ACBD6: variants seen among roughly 807,000 people sequenced by gnomAD.
ACBD6 encodes acyl-CoA binding domain containing 6.
A neutral mutation model predicts 37.2 loss-of-function variants in ACBD6; 28 were observed. The ratio of observed to expected loss-of-function variants is 0.75; its 90% CI spans 0.56 to 1.03. ACBD6 has a LOEUF of 1.03. ACBD6 is among the 50% of genes least tolerant of loss of function. The pLI is 0.00. For synonymous variants in ACBD6, 113 were observed against 126.8 expected, an observed-to-expected ratio of 0.89 and a Z score of 0.73; for missense variants, 340 against 337.4, an observed-to-expected ratio of 1.01 and a Z score of -0.06.
intron 3 of ACBD6, among the ~76,000 whole-genome samples, chr1:180,472,928 A>G (rs998322833): frequency 2.0e-5 from 3 of 152,206 alleles, no homozygotes; most frequent in Admixed American, 2.0e-4. Flanking sequence ...ATAGATATGA[A>G]AACAAAGACT....
intron 3 of ACBD6, among the ~76,000 whole-genome samples, chr1:180,453,252 C>G (rs1045827574): frequency 6.6e-6 from 1 of 152,222 alleles, no homozygotes; most frequent in Non-Finnish European, 1.5e-5. Context: ...GGATGCAAGG[C>G]TGGTTCAACA....
chr1:180,393,005 C>T (rs1654132889), intron 6 of ACBD6, among the ~76,000 whole-genome samples: 1 of 152,168 alleles, frequency 6.6e-6, no homozygotes, highest in African/African-American at 2.4e-5. Context: ...CATTCAAATA[C>T]CTTTTAATGT....
chr1:180,274,976 T>C (rs1277955228), exon 10 of ACBD6: 1 of 174,738 alleles, frequency 5.7e-6, no homozygotes, highest in East Asian at 1.5e-4. Flanking sequence ...CCCAAAACAC[T>C]GCTCTCACCA....
chr1:180,343,807 C>T (rs996013281), intron 6 of ACBD6, among the ~76,000 whole-genome samples: 2 of 152,118 alleles, frequency 1.3e-5, no homozygotes, highest in African/African-American at 2.4e-5. Flanking sequence ...TGGTGGTTCA[C>T]GCCTGTAATC....
At chr1:180,482,424 A>G (rs1009585610) in intron 3 of ACBD6, among the ~76,000 whole-genome samples, 5 of 152,132 alleles carry the variant, frequency 3.3e-5, no homozygotes, top group African/African-American at 1.2e-4. Context: ...GCTAGTCTAA[A>G]CATCATCAGA....
chr1:180,346,658 C>A (rs1388116535), intron 6 of ACBD6, among the ~76,000 whole-genome samples: 5 of 152,120 alleles, frequency 3.3e-5, no homozygotes, highest in African/African-American at 4.8e-5. Context: ...ATAAGCCATG[C>A]CATAATGCTT....
rs887243569 is a variant in ACBD6 at position 180,315,863 on chromosome 1, G to A, written c.664-1141C>T. On this transcript the variant is annotated intron_variant, in intron 6 of 7. Coordinates refer to ENST00000367595, the MANE Select transcript of ACBD6 (RefSeq NM_032360.4). The stretch of plus-strand genomic sequence containing the variant: ...TTATTACATGGGAGAGAGGAGATAT[G>A]AAAGAAGTAATTTTAGCAGGGAGTC... Among the ~76,000 whole-genome samples, 12 of 152,212 alleles carry A rather than the reference G, an allele frequency of 7.9e-5. No homozygotes were observed. The East Asian group carries it at 2.3e-3, about 29-fold the overall frequency.
At chr1:180,370,975 G>A (rs893279334) in intron 6 of ACBD6, among the ~76,000 whole-genome samples, 2 of 152,020 alleles carry the variant, frequency 1.3e-5, no homozygotes, top group South Asian at 4.1e-4. Context: ...ATGTTGGACT[G>A]CCTTGTTTAT....
At chr1:180,408,227 A>C (rs981736405) in intron 5 of ACBD6, among the ~76,000 whole-genome samples, 1 of 152,224 alleles carries the variant, frequency 6.6e-6, no homozygotes, top group African/African-American at 2.4e-5. Flanking sequence ...ACAGCTTAGC[A>C]ATGAGTATTT....
intron 6 of ACBD6, among the ~76,000 whole-genome samples, chr1:180,328,990 T>C (rs1407532646): frequency 6.6e-6 from 1 of 152,200 alleles, no homozygotes; most frequent in Non-Finnish European, 1.5e-5. Flanking sequence ...TTTCAAATAA[T>C]TGGATCATTA....
At chr1:180,459,038 TA>T (rs985313148) in intron 3 of ACBD6, among the ~76,000 whole-genome samples, 1 of 152,188 alleles carries the variant, frequency 6.6e-6, no homozygotes, top group Admixed American at 6.5e-5. Context: ...AAAGTAATGA[TA>T]TTTTTTCAAG....
chr1:180,355,149 C>A (rs999077110), intron 6 of ACBD6, among the ~76,000 whole-genome samples: 1 of 152,188 alleles, frequency 6.6e-6, no homozygotes, highest in Non-Finnish European at 1.5e-5. Context: ...TCTCATCCAA[C>A]CACCTTATGA....
chr1:180,398,208 C>T (rs1654338190), intron 5 of ACBD6, among the ~76,000 whole-genome samples: 1 of 152,030 alleles, frequency 6.6e-6, no homozygotes, highest in South Asian at 2.1e-4. Context: ...GTAATAACAA[C>T]AATAATATAA....
At chr1:180,302,302 G>A (rs933452201) in intron 7 of ACBD6, among the ~76,000 whole-genome samples, 2 of 151,070 alleles carry the variant, frequency 1.3e-5, no homozygotes, top group African/African-American at 4.9e-5. Flanking sequence ...ATATTTCTAG[G>A]CTGCAAAACT....
intron 6 of ACBD6, among the ~76,000 whole-genome samples, chr1:180,358,447 C>A (rs1274665074): frequency 2.7e-5 from 4 of 149,608 alleles, no homozygotes; most frequent in East Asian, 2.0e-4. Flanking sequence ...ACAACAACAA[C>A]AAAAAAAAAA....
In ACBD6 at chr1:180,376,409, C is replaced by T. The variant is rs1383942655; in HGVS notation, c.663+21107G>A. On this transcript the variant is annotated intron_variant, in intron 6 of 7. Transcript: ENST00000367595. The stretch of plus-strand genomic sequence containing the variant: ...TTAGTTGCAGCACTGTTTGTAATTG[C>T]AAAGCGTTAGACATTACCTAAATGC... Among the ~76,000 whole-genome samples, 5 of 152,218 alleles carry T rather than the reference C, an allele frequency of 3.3e-5. No individual in the cohort carries two copies. The East Asian group carries it at 7.7e-4, about 23-fold the overall frequency.
chr1:180,470,070 T>C (rs1376338895), intron 3 of ACBD6, among the ~76,000 whole-genome samples: 1 of 152,214 alleles, frequency 6.6e-6, no homozygotes, highest in African/African-American at 2.4e-5. Context: ...CTTCTTACCT[T>C]GCTCCAAAAC....
chr1:180,327,567 G>A (rs1228217063), intron 6 of ACBD6, among the ~76,000 whole-genome samples: 1 of 152,148 alleles, frequency 6.6e-6, no homozygotes, highest in African/African-American at 2.4e-5. Context: ...CTGCTGGGGC[G>A]ACAATTGGTG....
At chr1:180,415,268 G>A (rs766412422) in intron 4 of ACBD6, among the ~76,000 whole-genome samples, 2 of 150,648 alleles carry the variant, frequency 1.3e-5, no homozygotes, top group Non-Finnish European at 3.0e-5. Context: ...GTGGTGACAC[G>A]TGCATGTAAT....
Sources: gnomAD v4.1 joint callset for allele counts (sites outside exome capture counted in the v4.1 genomes callset) on GRCh38, gnomAD v4.1.1 for gene constraint, MANE v1.5 for transcripts, NCBI Gene and HGNC (gene_info 2026-07-23, HGNC 2026-07-21) for gene names.